HSPA9: variants seen among roughly 807,000 people sequenced by gnomAD.
HSPA9 encodes the protein stress-70 protein, mitochondrial.
Under a neutral mutation model 81.5 loss-of-function variants are expected in HSPA9, and 28 were observed. That is an observed-to-expected ratio of 0.34 (90% CI 0.25 to 0.47). The LOEUF (loss-of-function observed/expected upper bound fraction) is 0.47, where lower values mean the gene tolerates loss of function less well. HSPA9 is among the 20% of genes least tolerant of loss of function. The probability of loss-of-function intolerance (pLI) is 1.00; values close to 1 mark genes in which losing one functional copy is unlikely to be tolerated. For synonymous variants in HSPA9, 293 were observed against 290.4 expected (o/e 1.01, Z -0.09); for missense variants, 678 against 838.0 (o/e 0.81, Z 2.36).
At chr5:138,561,998 G>C (rs1022289047) in intron 9 of HSPA9, among the ~76,000 whole-genome samples, 1 of 151,686 alleles carries the variant, frequency 6.6e-6, no homozygotes, top group Non-Finnish European at 1.5e-5. Context: ...GAGTGCAGTG[G>C]CATGATCTTG....
At chr5:138,557,045 T>A in intron 14 of HSPA9, 179 bp from the exon 15 acceptor site, 1 of 652,644 alleles carries the variant, frequency 1.5e-6, no homozygotes, top group South Asian at 1.7e-5. Flanking sequence ...TGGGCTAGAT[T>A]TTGTAACATC....
At chr5:138,562,765 G>A (rs1750687768) in intron 9 of HSPA9, among the ~76,000 whole-genome samples, 2 of 152,146 alleles carry the variant, frequency 1.3e-5, no homozygotes, top group Non-Finnish European at 2.9e-5. Context: ...TGTAGGTGAA[G>A]AGAAATGTCA....
At position 138,567,664 on chromosome 5, in the gene HSPA9, A is replaced by G; in HGVS notation, c.594T>C (p.Asn198=). Reference sequence around the variant, plus strand: ...TTGACCTCACCTGTCTCTGCGAGTCATTGAAATAAGCTGGGACTGTGATCA... The same window carrying G: ...TTGACCTCACCTGTCTCTGCGAGTCGTTGAAATAAGCTGGGACTGTGATCA... The part of the protein sequence containing the change: ...NAVITVPAYF[N]DSQRQATKDA... Residue 198 remains asparagine, a synonymous_variant, in exon 6 of 17, where the codon AAT becomes AAC. Transcript: ENST00000297185. 1 of 1,613,918 alleles carries G rather than the reference A, an allele frequency of 6.2e-7. No homozygotes were observed. The highest frequency in any genetic ancestry group is 1.3e-5 in the African/African-American group (1 of 75,060).
chr5:138,565,750 G>C (rs139861649), intron 9 of HSPA9, among the ~76,000 whole-genome samples: 1 of 152,134 alleles, frequency 6.6e-6, no homozygotes, highest in African/African-American at 2.4e-5. Flanking sequence ...GGTCTCATTT[G>C]TCACCCAGGC....
At position 138,555,986 on chromosome 5, in the gene HSPA9, C is replaced by G; in HGVS notation, c.*51G>C. On this transcript the variant is annotated 3_prime_UTR_variant, in exon 17 of 17. Coordinates refer to ENST00000297185, the MANE Select transcript of HSPA9 (RefSeq NM_004134.7). ...CCCATTTCTGCTCAGGAAGTCTCTT[C>G]ACTCCTAAGCTTCATATGTTGTCCT... is the stretch of plus-strand genomic sequence containing the variant. 4 of 1,320,022 alleles carry G rather than the reference C, an allele frequency of 3.0e-6. No homozygotes were observed. The highest frequency in any genetic ancestry group is 4.4e-6 in the Non-Finnish European group (4 of 913,582). 81.8% of individuals were successfully genotyped at this position (1,320,022 alleles called of 1,614,324 possible). A position where few individuals can be genotyped will look rare whatever the true frequency, so the allele number is the denominator to read the frequency against.
chr5:138,571,812 T>TTGTATGTG (rs1750901887), intron 3 of HSPA9, among the ~76,000 whole-genome samples: 1 of 146,178 alleles, frequency 6.8e-6, no homozygotes, highest in Non-Finnish European at 1.5e-5. Flanking sequence ...CCAACTAATT[T>TTGTATGTG]TGTGTGTGTG....
intron 10 of HSPA9, 78 bp from the exon 11 acceptor site, chr5:138,560,169 A>G (rs1201249289): frequency 1.4e-5 from 14 of 966,896 alleles, no homozygotes; most frequent in South Asian, 5.4e-5. Flanking sequence ...CACGTGTCCT[A>G]CGCTCCCAGC....
chr5:138,561,780 T>G lies in HSPA9; in HGVS notation c.982A>C (p.Asn328His). Residue 328 changes from asparagine (N) to histidine (H), a missense_variant, in exon 10 of 17, where the codon AAT (asparagine) becomes CAT (histidine). Asn to His is a moderately conservative substitution (Grantham distance 68). This residue lies in a region of HSPA9 where 484 missense variants were observed against 647.5 expected (regional missense o/e 0.75). Coordinates refer to ENST00000297185, the MANE Select transcript of HSPA9 (RefSeq NM_004134.7). ...GAATCCATTGTAAGATAGGGCAAATTGATGTCAGTCTGCAAAGGAAATGTT... is the reference window on the plus strand; with the variant it reads ...GAATCCATTGTAAGATAGGGCAAATGGATGTCAGTCTGCAAAGGAAATGTT... The part of the protein sequence containing the change: ...ELSSSVQTDI[N>H]LPYLTMDSSG... 1 of 1,613,384 alleles carries G rather than the reference T, an allele frequency of 6.2e-7. No homozygotes were observed. Among genetic ancestry groups the G allele is most frequent in the Non-Finnish European group, 8.5e-7 (1 of 1,179,304 alleles).
At chr5:138,568,643 A>G (rs904677870) in intron 5 of HSPA9, among the ~76,000 whole-genome samples, 3 of 152,206 alleles carry the variant, frequency 2.0e-5, no homozygotes, top group Admixed American at 2.0e-4. Flanking sequence ...TCTAATTTAT[A>G]CCTAACAGGG....
At chr5:138,563,362 T>G (rs1264694995) in intron 9 of HSPA9, among the ~76,000 whole-genome samples, 1 of 152,214 alleles carries the variant, frequency 6.6e-6, no homozygotes, top group Non-Finnish European at 1.5e-5. Flanking sequence ...CTCTAAACAC[T>G]AAAAGCTAAT....
chr5:138,559,573 T>C (rs1212686640), intron 11 of HSPA9: 1 of 390,686 alleles, frequency 2.6e-6, no homozygotes, highest in East Asian at 6.0e-5. Flanking sequence ...GGAAATTCAG[T>C]CTCAAATGAC....
At chr5:138,572,610 T>G (rs759255065) in intron 3 of HSPA9, among the ~76,000 whole-genome samples, 7 of 152,230 alleles carry the variant, frequency 4.6e-5, no homozygotes, top group Non-Finnish European at 1.0e-4. Flanking sequence ...CCTGGAATTC[T>G]TGACTCTTGC....
intron 3 of HSPA9, 133 bp downstream of exon 3, chr5:138,573,630 G>C: frequency 1.7e-6 from 1 of 596,890 alleles, no homozygotes; most frequent in Non-Finnish European, 2.8e-6. Context: ...ATGGGCTATA[G>C]AGACTGTCTC....
chr5:138,564,083 G>T (rs761585318), intron 9 of HSPA9, among the ~76,000 whole-genome samples: 21 of 152,086 alleles, frequency 1.4e-4, no homozygotes, highest in Non-Finnish European at 2.4e-4. Flanking sequence ...TACCTTCTTA[G>T]ATTATTTTTA....
At position 138,558,580 on chromosome 5, in the gene HSPA9, G is replaced by A. The variant is rs759527989; in HGVS notation, c.1488C>T (p.Asp496=). 1 of 1,612,238 alleles carries A rather than the reference G, an allele frequency of 6.2e-7. No individual in the cohort carries two copies. The highest frequency in any genetic ancestry group is 1.3e-5 in the African/African-American group (1 of 74,862). The change falls in exon 12 of 17, where the codon GAC becomes GAT. Residue 496 remains aspartate, a synonymous_variant. Transcript: ENST00000297185. The stretch of plus-strand genomic sequence containing the variant: ...AAGTAAACTGTCCAAGGAGTTTGTT[G>A]TCTCCAGCCATCTCTCTTTCACCCT... ...VCQGEREMAG[D]NKLLGQFTLI...
At chr5:138,558,483 T>C (rs1237597808) in intron 12 of HSPA9, 70 bp downstream of exon 12, 51 of 1,062,308 alleles carry the variant, frequency 4.8e-5, no homozygotes, top group Non-Finnish European at 7.1e-5. Context: ...TACTAATATT[T>C]TTATGGCTTA....
At chr5:138,566,803 A>T (rs1461327668) in intron 8 of HSPA9, 85 bp from the exon 9 acceptor site, 19 of 1,157,720 alleles carry the variant, frequency 1.6e-5, no homozygotes, top group Non-Finnish European at 2.5e-5. Flanking sequence ...ACAACACAAA[A>T]TGGAGTCATA....
At chr5:138,573,958 C>CTA in intron 2 of HSPA9, 108 bp from the exon 3 acceptor site, 1 of 1,259,756 alleles carries the variant, frequency 7.9e-7, no homozygotes, top group Non-Finnish European at 1.2e-6. Flanking sequence ...TACATAATCT[C>CTA]TAAATAAATA....
chr5:138,560,564 CTTT>C (rs34922898), intron 10 of HSPA9, among the ~76,000 whole-genome samples: 27 of 135,056 alleles, frequency 2.0e-4, no homozygotes, highest in African/African-American at 6.9e-4. Context: ...TTTTCTTCTT[CTTT>C]TTTTTTTTTT....
Sources: allele counts gnomAD v4.1 joint callset (sites outside exome capture counted in the v4.1 genomes callset), GRCh38; gene constraint gnomAD v4.1.1; regional missense constraint gnomAD v4.1.1; transcripts MANE v1.5; gene names NCBI Gene and HGNC (gene_info 2026-07-23, HGNC 2026-07-21).